The following CNTN4 variants were observed in gnomAD, a reference collection of about 807,000 sequenced individuals.
The protein encoded by CNTN4 is contactin-4.
Under a neutral mutation model 122.5 loss-of-function variants are expected in CNTN4, and 77 were observed. That is an observed-to-expected ratio of 0.63 (90% CI 0.52 to 0.76). The LOEUF (loss-of-function observed/expected upper bound fraction) is 0.76, where lower values mean the gene tolerates loss of function less well. CNTN4 is among the 30% of genes least tolerant of loss of function. The pLI is 0.00. For synonymous variants in CNTN4, 512 were observed against 447.0 expected (o/e 1.15, Z -1.83); for missense variants, 1,256 against 1,259.1 (o/e 1.00, Z 0.04).
chr3:2,911,795 G>A lies in CNTN4; in HGVS notation c.1207+8790G>A, dbSNP rs567931080. 2.4e-4 allele frequency among the ~76,000 whole-genome samples: 36 copies of A among 152,172 alleles called. 1 individual carries two copies. In the South Asian group the frequency reaches 2.7e-3, roughly 11 times the overall value. On this transcript the variant is annotated intron_variant, in intron 12 of 24. Coordinates refer to ENST00000418658, the MANE Select transcript of CNTN4 (RefSeq NM_175607.3). ...ATATAGTAAGTGAATTCAGAATATA[G>A]TACTCAATTTACTAGAGAGATTCAA...
chr3:2,373,481 A>T (rs2045707031), intron 3 of CNTN4, among the ~76,000 whole-genome samples: 1 of 152,224 alleles, frequency 6.6e-6, no homozygotes, highest in Admixed American at 6.5e-5. Flanking sequence ...CACTTATTTT[A>T]TAAACACTCT....
chr3:2,247,936 G>C (rs1433533719), intron 2 of CNTN4, among the ~76,000 whole-genome samples: 3 of 151,806 alleles, frequency 2.0e-5, no homozygotes, highest in Non-Finnish European at 2.9e-5. Flanking sequence ...TTTCCCCTCA[G>C]ATACCTACAT....
At chr3:2,252,886 G>A (rs187282731) in intron 2 of CNTN4, among the ~76,000 whole-genome samples, 8 of 151,968 alleles carry the variant, frequency 5.3e-5, no homozygotes, top group Non-Finnish European at 4.4e-5. Flanking sequence ...TTTTTGGTAC[G>A]TTTTCTTATT....
intron 4 of CNTN4, among the ~76,000 whole-genome samples, chr3:2,615,620 T>A (rs1381717495): frequency 6.6e-6 from 1 of 152,212 alleles, no homozygotes; most frequent in Non-Finnish European, 1.5e-5. Context: ...TATTGAAGTA[T>A]AATTTATATA....
chr3:2,415,406 A>AAG (rs1311287225), intron 3 of CNTN4, among the ~76,000 whole-genome samples: 3 of 152,226 alleles, frequency 2.0e-5, no homozygotes, highest in African/African-American at 7.2e-5. Flanking sequence ...ACAGAATTTC[A>AAG]GTTTATGGAT....
At chr3:2,417,572 T>C (rs2047461084) in intron 3 of CNTN4, among the ~76,000 whole-genome samples, 1 of 152,126 alleles carries the variant, frequency 6.6e-6, no homozygotes, top group Non-Finnish European at 1.5e-5. Context: ...TAAAATGAGA[T>C]TAGAACCTTC....
intron 3 of CNTN4, among the ~76,000 whole-genome samples, chr3:2,359,057 G>A (rs999623740): frequency 4.6e-5 from 7 of 152,064 alleles, no homozygotes; most frequent in African/African-American, 7.2e-5. Flanking sequence ...GAGCCTTTTC[G>A]CCTCATCCAA....
chr3:2,162,069 T>G (rs1439550457), intron 2 of CNTN4, among the ~76,000 whole-genome samples: 1 of 152,206 alleles, frequency 6.6e-6, no homozygotes, highest in African/African-American at 2.4e-5. Context: ...TTTATTCTTT[T>G]TCAATGAGAA....
intron 2 of CNTN4, among the ~76,000 whole-genome samples, chr3:2,114,490 G>T (rs1456945835): frequency 1.3e-5 from 2 of 151,898 alleles, no homozygotes; most frequent in African/African-American, 2.4e-5. Flanking sequence ...TAAGAAAGAG[G>T]GTATAGTATG....
chr3:2,892,988 A>G (rs570435258), intron 10 of CNTN4, among the ~76,000 whole-genome samples: 2 of 152,190 alleles, frequency 1.3e-5, no homozygotes, highest in Non-Finnish European at 2.9e-5. Context: ...ATTTTAATAC[A>G]ATAGGTAAGG....
intron 4 of CNTN4, among the ~76,000 whole-genome samples, chr3:2,599,552 A>G (rs1186641164): frequency 6.6e-6 from 1 of 152,222 alleles, no homozygotes; most frequent in African/African-American, 2.4e-5. Context: ...TATTGTACAC[A>G]GTCAGAAGAC....
intron 6 of CNTN4, among the ~76,000 whole-genome samples, chr3:2,761,614 C>T (rs919797164): frequency 1.3e-5 from 2 of 152,116 alleles, no homozygotes; most frequent in South Asian, 2.1e-4. Context: ...GTCTGGCTCT[C>T]TCACTGGTCC....
At chr3:2,580,477 G>T (rs897251044) in intron 4 of CNTN4, among the ~76,000 whole-genome samples, 2 of 152,196 alleles carry the variant, frequency 1.3e-5, no homozygotes, top group East Asian at 3.9e-4. Context: ...AAAATAGCAC[G>T]TAAAAGCCCT....
Position 2,707,637 on chromosome 3 carries a change from T to C in CNTN4, c.56-28578T>C, listed in dbSNP as rs137971608. Among the ~76,000 whole-genome samples, 4 of 112,888 alleles carry C rather than the reference T, an allele frequency of 3.5e-5. No individual in the cohort carries two copies. In the Admixed American group the frequency reaches 4.2e-4, roughly 12 times the overall value. The allele number at this position is 112,888 out of a possible 152,430, so 74.1% of individuals were successfully genotyped here. A position where few individuals can be genotyped will look rare whatever the true frequency, so the allele number is the denominator to read the frequency against. On this transcript the variant is annotated intron_variant, in intron 4 of 24. Coordinates refer to ENST00000418658, the MANE Select transcript of CNTN4 (RefSeq NM_175607.3). ...AAATATTGTTTGATGCTTCTTTTTC[T>C]TTTGTTTTATTTGTTTTTTGTTTTG...
chr3:2,819,486 A>G lies in CNTN4; in HGVS notation c.359A>G (p.Tyr120Cys), dbSNP rs749173059. Residue 120 changes from tyrosine to cysteine, a missense_variant and splice_region_variant, in exon 7 of 25, where the codon TAT becomes TGT. Tyr to Cys is a radical substitution (Grantham distance 194). Transcript: ENST00000418658. The part of the protein sequence containing the change: ...VSREAKLQFA[Y>C]LDNFKTRTRS... ...CTTTTTCCCATATTTCTCCCAACAGATCTTGACAACTTTAAAACAAGAACA... is the reference window on the plus strand; with the variant it reads ...CTTTTTCCCATATTTCTCCCAACAGGTCTTGACAACTTTAAAACAAGAACA... The G allele has an allele frequency of 1.2e-6, 2 of 1,612,486 alleles. No homozygotes were observed. Among genetic ancestry groups the G allele is most frequent in the Non-Finnish European group, 1.7e-6 (2 of 1,178,522 alleles).
Position 2,297,312 on chromosome 3 carries a change from G to T in CNTN4, c.-144-41866G>T, listed in dbSNP as rs905893233. ...TAGTTTTATTTTAAAATTTTCATCA[G>T]AAGGAAATCATCTGTATACATCATA... On this transcript the variant is annotated intron_variant, in intron 2 of 24. Coordinates refer to ENST00000418658, the MANE Select transcript of CNTN4 (RefSeq NM_175607.3). Among the ~76,000 whole-genome samples, 7 of 152,298 alleles carry T rather than the reference G, an allele frequency of 4.6e-5. No homozygotes were observed. In the East Asian group the frequency reaches 1.4e-3, roughly 29 times the overall value.
chr3:2,672,893 T>A, intron 4 of CNTN4, among the ~76,000 whole-genome samples: 1 of 152,336 alleles, frequency 6.6e-6, no homozygotes, highest in South Asian at 2.1e-4. Flanking sequence ...GGATTAAGAA[T>A]CTGTCCTTGC....
intron 3 of CNTN4, among the ~76,000 whole-genome samples, chr3:2,481,368 T>TTG (rs2076001274): frequency 6.6e-6 from 1 of 152,088 alleles, no homozygotes; most frequent in Non-Finnish European, 1.5e-5. Context: ...CTCAAACTTC[T>TTG]GACCTCAAGT....
intron 2 of CNTN4, among the ~76,000 whole-genome samples, chr3:2,127,694 T>G (rs778343910): frequency 6.6e-6 from 1 of 152,158 alleles, no homozygotes; most frequent in Non-Finnish European, 1.5e-5. Context: ...CCAATTTCAA[T>G]TTAGCTGCTC....
Sources: gnomAD v4.1 joint callset for allele counts (sites outside exome capture counted in the v4.1 genomes callset) on GRCh38, gnomAD v4.1.1 for gene constraint, MANE v1.5 for transcripts, NCBI Gene and HGNC (gene_info 2026-07-23, HGNC 2026-07-21) for gene names.